ANKRD36: variants seen among roughly 807,000 people sequenced by gnomAD.
ANKRD36 encodes ankyrin repeat domain 36.
A neutral mutation model predicts 278.1 loss-of-function variants in ANKRD36; 179 were observed. The observed-to-expected ratio is 0.64, with a 90% CI of 0.57 to 0.73. The LOEUF is 0.73. Among genes scored for constraint, ANKRD36 ranks in the 30% least tolerant of loss-of-function variants. The pLI is 0.00. For missense variants in ANKRD36, 1,159 were observed against 1,956.7 expected, an observed-to-expected ratio of 0.59 and a Z score of 7.69; for synonymous variants, 320 against 641.1, an observed-to-expected ratio of 0.50 and a Z score of 7.57.
In ANKRD36 at chr2:97,198,604, G is replaced by T. The variant is rs781408545; in HGVS notation, c.2701G>T (p.Asp901Tyr). 1.4e-5 allele frequency: 22 copies of T among 1,545,854 alleles called. No homozygotes were observed. The South Asian group carries it at 1.9e-4, about 13-fold the overall frequency. Residue 901 changes from aspartate (D) to tyrosine (Y), a missense_variant, in exon 44 of 76, where the codon GAT (aspartate) becomes TAT (tyrosine). Asp to Tyr is a radical substitution (Grantham distance 160, BLOSUM62 -3). Coordinates refer to ENST00000420699, the MANE Select transcript of ANKRD36 (RefSeq NM_001354587.1). Reference sequence around the variant, plus strand: ...CATTCAGGCTTCAAGTGCCGAGAAAGATTCTGTTTTGAATATAGCCAGAGG... The same window carrying T: ...CATTCAGGCTTCAAGTGCCGAGAAATATTCTGTTTTGAATATAGCCAGAGG... ...PGLKASSAEK[D>Y]SVLNIARGKK...
intron 46 of ANKRD36, 120 bp from the exon 47 acceptor site, chr2:97,202,082 C>T (rs1203755314): frequency 8.3e-5 from 129 of 1,552,050 alleles, no homozygotes; most frequent in Non-Finnish European, 1.1e-4. Flanking sequence ...AAAGTAGAAG[C>T]CATGAAGGCC....
intron 67 of ANKRD36, among the ~76,000 whole-genome samples, chr2:97,227,914 T>C (rs2070443361): frequency 6.6e-6 from 1 of 152,124 alleles, no homozygotes; most frequent in Admixed American, 6.5e-5. Flanking sequence ...TTGTCTTTGG[T>C]TCTGTTTATA....
Position 97,187,319 on chromosome 2 carries a change from T to A in ANKRD36, c.2071-10T>A. 1 of 1,603,946 alleles carries A rather than the reference T, an allele frequency of 6.2e-7. No homozygotes were observed. Among genetic ancestry groups the A allele is most frequent in the Non-Finnish European group, 8.5e-7 (1 of 1,175,854 alleles). On this transcript the variant is annotated splice_polypyrimidine_tract_variant and intron_variant, in intron 31 of 75. Transcript: ENST00000420699. ...TATTTATTTATTATTTTCTTTCAAA[T>A]TCCATTCAGGCTACAACTGACGAGG...
chr2:97,116,900 C>T (rs570006572), intron 1 of ANKRD36, among the ~76,000 whole-genome samples: 2 of 152,120 alleles, frequency 1.3e-5, no homozygotes, highest in East Asian at 3.9e-4. Flanking sequence ...TCAAGCATAA[C>T]CTGAATACCT....
chr2:97,198,255 A>C (rs958320954), intron 42 of ANKRD36, among the ~76,000 whole-genome samples: 2 of 151,918 alleles, frequency 1.3e-5, no homozygotes, highest in Non-Finnish European at 2.9e-5. Flanking sequence ...ACCATGTTTG[A>C]AATTCTAAGA....
chr2:97,195,314 A>G (rs1202724595), intron 40 of ANKRD36, among the ~76,000 whole-genome samples: 4 of 151,942 alleles, frequency 2.6e-5, no homozygotes, highest in Admixed American at 2.6e-4. Context: ...ACCCATAGAC[A>G]CTGTAGAAGG....
chr2:97,258,794 ATT>A (rs2076461348), intron 75 of ANKRD36, among the ~76,000 whole-genome samples: 2 of 116,702 alleles, frequency 1.7e-5, no homozygotes, highest in Admixed American at 2.2e-4. Context: ...TGTTTTCAGT[ATT>A]CTTTGTTTTT....
chr2:97,203,286 G>T (rs563962167), intron 48 of ANKRD36, among the ~76,000 whole-genome samples: 1 of 151,822 alleles, frequency 6.6e-6, no homozygotes, highest in Non-Finnish European at 1.5e-5. Flanking sequence ...AATGGGTATT[G>T]CAGTGATTTC....
intron 64 of ANKRD36, among the ~76,000 whole-genome samples, chr2:97,218,286 C>T (rs1452501464): frequency 1.3e-5 from 2 of 148,990 alleles, no homozygotes; most frequent in African/African-American, 2.5e-5. Context: ...GACTGATTTC[C>T]AAATGTATAA....
chr2:97,185,481 A>T lies in ANKRD36; in HGVS notation c.2012A>T (p.Glu671Val), dbSNP rs1267334711. 1 of 1,611,002 alleles carries T rather than the reference A, an allele frequency of 6.2e-7. No homozygotes were observed. The highest frequency in any genetic ancestry group is 8.5e-7 in the Non-Finnish European group (1 of 1,178,640). ...GATTCTGCTTTGAATATAGCTACAG[A>T]AATAAAGGATGGACTACAGTGTGGG... ...KTDSALNIAT[E>V]IKDGLQCGTV... The change falls in exon 30 of 76, where the codon GAA (glutamate) becomes GTA (valine). Residue 671 changes from glutamate (E) to valine (V), a missense_variant. Glu to Val is a moderately radical substitution (Grantham distance 121). Transcript: ENST00000420699.
chr2:97,202,795 T>C (rs973765608), intron 48 of ANKRD36, among the ~76,000 whole-genome samples: 1 of 151,756 alleles, frequency 6.6e-6, no homozygotes, highest in African/African-American at 2.4e-5. Flanking sequence ...CCGTACACAC[T>C]GTAGGAGAAG....
chr2:97,123,760 A>G (rs2037631196), intron 4 of ANKRD36, among the ~76,000 whole-genome samples: 1 of 136,000 alleles, frequency 7.4e-6, no homozygotes, highest in Non-Finnish European at 1.6e-5. Flanking sequence ...TGTAAGTAAC[A>G]TCATATATAA....
chr2:97,259,202 TG>T (rs1297519372), intron 75 of ANKRD36, among the ~76,000 whole-genome samples: 2 of 109,840 alleles, frequency 1.8e-5, no homozygotes, highest in African/African-American at 3.3e-5. Flanking sequence ...AATTTCTATT[TG>T]TTTTTTTGTT....
At chr2:97,208,032 C>T in intron 54 of ANKRD36, 26 bp downstream of exon 54, 2 of 1,497,234 alleles carry the variant, frequency 1.3e-6, no homozygotes, top group Non-Finnish European at 1.8e-6. Context: ...GATTTAATGT[C>T]ATGTTCAGTG....
chr2:97,233,133 G>GA (rs1465303673), intron 67 of ANKRD36, among the ~76,000 whole-genome samples: 1 of 151,500 alleles, frequency 6.6e-6, no homozygotes, highest in East Asian at 2.0e-4. Context: ...CATAAAACTT[G>GA]AATTAGAAAA....
chr2:97,194,808 A>G (rs754079454), intron 39 of ANKRD36, 37 bp from the exon 40 acceptor site: 94 of 1,602,954 alleles, frequency 5.9e-5, no homozygotes, highest in Non-Finnish European at 8.0e-5. Context: ...CCTATGAAAC[A>G]TACCTTATTT....
intron 67 of ANKRD36, among the ~76,000 whole-genome samples, chr2:97,229,910 A>T (rs1032258460): frequency 2.1e-4 from 32 of 152,116 alleles, no homozygotes; most frequent in Admixed American, 1.8e-3. Flanking sequence ...TTAGTTTGGC[A>T]GGATATGAAA....
chr2:97,221,104 A>G (rs1317341542), intron 66 of ANKRD36, among the ~76,000 whole-genome samples: 1 of 135,138 alleles, frequency 7.4e-6, no homozygotes, highest in Non-Finnish European at 1.5e-5. Flanking sequence ...AAAGGACATG[A>G]ACTCATCATT....
intron 15 of ANKRD36, among the ~76,000 whole-genome samples, chr2:97,156,524 C>T (rs370678778): frequency 2.3e-5 from 3 of 129,598 alleles, no homozygotes; most frequent in Admixed American, 1.6e-4. Context: ...TCCAATTTCA[C>T]CCATGTCCCT....
Sources: allele counts gnomAD v4.1 joint callset (sites outside exome capture counted in the v4.1 genomes callset), GRCh38; gene constraint gnomAD v4.1.1; transcripts MANE v1.5; gene names NCBI Gene and HGNC (gene_info 2026-07-23, HGNC 2026-07-21).